The following TMEM63C variants were observed in gnomAD, a reference collection of about 807,000 sequenced individuals.
The protein encoded by TMEM63C is osmosensitive cation channel TMEM63C.
A neutral mutation model predicts 99.2 loss-of-function variants in TMEM63C; 32 were observed. The ratio of observed to expected loss-of-function variants is 0.32; its 90% CI spans 0.24 to 0.43. The LOEUF (loss-of-function observed/expected upper bound fraction) is 0.43, where lower values mean the gene tolerates loss of function less well. TMEM63C is among the 20% of genes least tolerant of loss of function. The pLI, the probability that TMEM63C is intolerant of heterozygous loss-of-function variation, is 1.00. For missense variants in TMEM63C, 826 were observed against 1,053.0 expected (o/e 0.78, Z 2.98); for synonymous variants, 376 against 397.9 (o/e 0.94, Z 0.66).
intron 1 of TMEM63C, among the ~76,000 whole-genome samples, chr14:77,191,308 G>T (rs1476593536): frequency 6.6e-6 from 1 of 152,092 alleles, no homozygotes; most frequent in Non-Finnish European, 1.5e-5. Flanking sequence ...AATAATAATA[G>T]TAGTAAACAC....
At chr14:77,251,137 T>G (rs1889352202) in intron 21 of TMEM63C, among the ~76,000 whole-genome samples, 1 of 152,244 alleles carries the variant, frequency 6.6e-6, no homozygotes, top group Non-Finnish European at 1.5e-5. Flanking sequence ...AACACGTAGG[T>G]GCCTTTCAGC....
rs769044294 is a variant in TMEM63C at position 77,256,688 on chromosome 14, G to A, written c.2383G>A (p.Glu795Lys). ...ARELDSAQFQ[E>K]GLELEGQNQY... ...GGAGCTAGACTCGGCCCAGTTCCAG[G>A]AAGGGCTGGAACTGGAGGGCCAGAA... The change falls in exon 24 of 24, where the codon GAA (glutamate) becomes AAA (lysine). Residue 795 changes from glutamate to lysine, a missense_variant. Coordinates refer to ENST00000298351, the MANE Select transcript of TMEM63C (RefSeq NM_020431.4). 29 of 1,613,872 alleles carry A rather than the reference G, an allele frequency of 1.8e-5. No individual in the cohort carries two copies. Among genetic ancestry groups the A allele is most frequent in the Non-Finnish European group, 2.5e-5 (29 of 1,179,868 alleles).
At chr14:77,247,741 C>T (rs1889289588) in intron 18 of TMEM63C, among the ~76,000 whole-genome samples, 1 of 151,996 alleles carries the variant, frequency 6.6e-6, no homozygotes, top group South Asian at 2.1e-4. Context: ...ACTTCCATAA[C>T]TTGCTCTATA....
intron 6 of TMEM63C, among the ~76,000 whole-genome samples, chr14:77,226,209 T>A (rs747773652): frequency 7.9e-5 from 12 of 152,164 alleles, no homozygotes; most frequent in Non-Finnish European, 1.6e-4. Flanking sequence ...GTGCTCCACC[T>A]GTCCTGTCCT....
chr14:77,252,809 G>C (rs756374292), intron 22 of TMEM63C, among the ~76,000 whole-genome samples: 1 of 152,182 alleles, frequency 6.6e-6, no homozygotes, highest in African/African-American at 2.4e-5. Flanking sequence ...CCTTCTCCAC[G>C]CCTGGCTGGA....
rs1318562781 is a variant in TMEM63C, at chr14:77,236,689, T to C, written c.608T>C (p.Met203Thr). ...FFYFITNFMF[M>T]AHHCLGFAPR... ...TACTTCATCACCAACTTCATGTTCA[T>C]GGCTCATCACTGCCTGGGGTTTGCA... Residue 203 changes from methionine to threonine, a missense_variant, in exon 9 of 24, where the codon ATG becomes ACG. Met to Thr is a moderately conservative substitution (Grantham distance 81). Coordinates refer to ENST00000298351, the MANE Select transcript of TMEM63C (RefSeq NM_020431.4). The C allele has an allele frequency of 3.7e-6, 6 of 1,612,792 alleles. No individual in the cohort carries two copies. In the African/African-American group the frequency reaches 4.0e-5, roughly 11 times the overall value.
intron 2 of TMEM63C, among the ~76,000 whole-genome samples, chr14:77,214,875 G>A (rs1009008559): frequency 8.5e-5 from 13 of 152,064 alleles, no homozygotes; most frequent in African/African-American, 2.7e-4. Flanking sequence ...CTTACTAGCC[G>A]TCCACAATTC....
intron 23 of TMEM63C, 23 bp downstream of exon 23, chr14:77,253,399 A>G (rs1889405926): frequency 6.3e-7 from 1 of 1,593,616 alleles, no homozygotes; most frequent in Non-Finnish European, 8.5e-7. Context: ...TCCCAGGGAC[A>G]GGTTGGGAGG....
intron 1 of TMEM63C, among the ~76,000 whole-genome samples, chr14:77,191,295 T>C (rs1489818901): frequency 2.0e-5 from 3 of 152,240 alleles, no homozygotes; most frequent in East Asian, 3.9e-4. Context: ...ACACCTAATA[T>C]GCAATAATAA....
intron 1 of TMEM63C, among the ~76,000 whole-genome samples, chr14:77,182,390 C>G (rs1424959443): frequency 1.3e-5 from 2 of 152,172 alleles, no homozygotes; most frequent in Non-Finnish European, 2.9e-5. Flanking sequence ...GCTCCTGGGC[C>G]CCCAGGGGAA....
In TMEM63C at chr14:77,258,860, G is replaced by A. The variant is rs1213664328; in HGVS notation, c.*2134G>A. On this transcript the variant is annotated 3_prime_UTR_variant, in exon 24 of 24. Coordinates refer to ENST00000298351, the MANE Select transcript of TMEM63C (RefSeq NM_020431.4). ...GGGAAAAGTCCTGGCAGACAATGTG[G>A]CGGGATGACTGGGGGCTTCTCCCTC... 1 of 152,348 alleles carries A rather than the reference G, an allele frequency of 6.6e-6. No individual in the cohort carries two copies. The highest frequency in any genetic ancestry group is 1.5e-5 in the Non-Finnish European group (1 of 68,148). The allele number at this position is 152,348 out of a possible 1,614,324, so 9.4% of individuals were successfully genotyped here.
In TMEM63C at chr14:77,218,240, A is replaced by AAGG. The variant is rs1555347417; in HGVS notation, c.-13-561_-13-560insAGG. On this transcript the variant is annotated intron_variant, in intron 2 of 23. Transcript: ENST00000298351. The stretch of plus-strand genomic sequence containing the variant: ...TGTACCCACAGAAGTTAAAAAAAAA[A>AAGG]GAGGGGGGTGTTTCTTGAGTCACTG... Among the ~76,000 whole-genome samples, 6 of 138,482 alleles carry AAGG rather than the reference A, an allele frequency of 4.3e-5. No individual in the cohort carries two copies. In the East Asian group the frequency reaches 6.6e-4, roughly 15 times the overall value. 90.8% of individuals were successfully genotyped at this position (138,482 alleles called of 152,430 possible). A position where few individuals can be genotyped will look rare whatever the true frequency, so the allele number is the denominator to read the frequency against.
chr14:77,248,474 T>C lies in TMEM63C; in HGVS notation c.1729T>C (p.Ser577Pro). 6.3e-7 allele frequency: 1 copy of C among 1,593,600 alleles called. No homozygotes were observed. Among genetic ancestry groups the C allele is most frequent in the East Asian group, 2.3e-5 (1 of 43,816 alleles). The change falls in exon 19 of 24, where the codon TCT (serine) becomes CCT (proline). Residue 577 changes from serine (S) to proline (P), a missense_variant. Transcript: ENST00000298351. ...LFCYSTRLFF[S>P]RSEPERVNIR... ...CTGCTACAGCACCCGCCTCTTCTTCTCTAGATCAGAGCCAGAGAGAGTCAA... is the reference window on the plus strand; with the variant it reads ...CTGCTACAGCACCCGCCTCTTCTTCCCTAGATCAGAGCCAGAGAGAGTCAA...
intron 23 of TMEM63C, among the ~76,000 whole-genome samples, 162 bp downstream of exon 23, chr14:77,253,538 C>T (rs1889409761): frequency 6.6e-6 from 1 of 152,206 alleles, no homozygotes; most frequent in South Asian, 2.1e-4. Context: ...GGACTTGGCC[C>T]AGGTCCAAAT....
intron 1 of TMEM63C, among the ~76,000 whole-genome samples, chr14:77,202,256 G>A (rs533666612): frequency 6.6e-6 from 1 of 150,770 alleles, no homozygotes; most frequent in African/African-American, 2.4e-5. Context: ...ACATTCCTAA[G>A]CACAACCAAA....
chr14:77,234,445 C>T (rs1406447662), intron 8 of TMEM63C, among the ~76,000 whole-genome samples: 1 of 152,208 alleles, frequency 6.6e-6, no homozygotes. Context: ...CCCGAGGTAC[C>T]TACATCTTCC....
rs1000797128 is a variant in TMEM63C, at chr14:77,209,999, G to A, written c.-76-3447G>A. ...AGGAGAATATAAGGACCAGCCTCAC[G>A]AACTGCCACACTGTGACATGGTTTA... On this transcript the variant is annotated intron_variant, in intron 1 of 23. Transcript: ENST00000298351. Among the ~76,000 whole-genome samples the A allele has an allele frequency of 3.3e-5, 5 of 152,100 alleles. No individual in the cohort carries two copies. In the East Asian group the frequency reaches 5.8e-4, roughly 18 times the overall value.
chr14:77,194,060 C>T (rs554364363), intron 1 of TMEM63C, among the ~76,000 whole-genome samples: 3 of 152,172 alleles, frequency 2.0e-5, no homozygotes, highest in African/African-American at 7.2e-5. Flanking sequence ...TGTCTCAAAA[C>T]AAACAAACAA....
At chr14:77,194,484 A>G (rs184907726) in intron 1 of TMEM63C, among the ~76,000 whole-genome samples, 5 of 85,658 alleles carry the variant, frequency 5.8e-5, no homozygotes, top group Admixed American at 1.1e-4. Flanking sequence ...CATCCATGCC[A>G]TATTTCTTTT....
Sources: allele counts gnomAD v4.1 joint callset (sites outside exome capture counted in the v4.1 genomes callset), GRCh38; gene constraint gnomAD v4.1.1; transcripts MANE v1.5; gene names NCBI Gene and HGNC (gene_info 2026-07-23, HGNC 2026-07-21).